ACP7: variants seen among roughly 807,000 people sequenced by gnomAD.
ACP7 encodes acid phosphatase 7, tartrate resistant (putative), also known as acid phosphatase type 7.
A neutral mutation model predicts 60.6 loss-of-function variants in ACP7; 58 were observed. The observed-to-expected ratio is 0.96, with a 90% confidence interval of 0.77 to 1.19. The LOEUF (loss-of-function observed/expected upper bound fraction) is 1.19. ACP7 is among the 50% of genes most tolerant of loss of function. The pLI is 0.00. For missense variants in ACP7, 574 were observed against 596.2 expected (o/e 0.96, Z 0.39); for synonymous variants, 237 against 232.6 (o/e 1.02, Z -0.17).
intron 2 of ACP7, among the ~76,000 whole-genome samples, chr19:39,090,040 C>T (rs2073186291): frequency 6.6e-6 from 1 of 152,196 alleles, no homozygotes; most frequent in Admixed American, 6.5e-5. Flanking sequence ...CTAATTTTAG[C>T]ATCTTGTTAA....
At chr19:39,106,737 T>C (rs1043861099) in intron 11 of ACP7, among the ~76,000 whole-genome samples, 1 of 152,192 alleles carries the variant, frequency 6.6e-6, no homozygotes, top group Non-Finnish European at 1.5e-5. Flanking sequence ...TTGGCCAGGC[T>C]GGTCTCTGAC....
Position 39,098,990 on chromosome 19 carries a change from G to A in ACP7, c.353G>A (p.Ser118Asn). The change falls in exon 4 of 13, where the codon AGC (serine) becomes AAC (asparagine). Residue 118 changes from serine (S) to asparagine (N), a missense_variant. Transcript: ENST00000331256. ...VYRCGSAQGWSRRFRFRALKN... is the reference protein window; with the variant it reads ...VYRCGSAQGWNRRFRFRALKN... ...CGCTGTGGCAGTGCGCAGGGCTGGAGCCGTCGGTTCCGCTTCAGGGCCCTC... is the reference window on the plus strand; with the variant it reads ...CGCTGTGGCAGTGCGCAGGGCTGGAACCGTCGGTTCCGCTTCAGGGCCCTC... 1 of 1,613,534 alleles carries A rather than the reference G, an allele frequency of 6.2e-7. No individual in the cohort carries two copies. The highest frequency in any genetic ancestry group is 8.5e-7 in the Non-Finnish European group (1 of 1,179,966).
intron 2 of ACP7, 133 bp from the exon 3 acceptor site, chr19:39,098,325 T>C (rs1018391898): frequency 2.1e-6 from 1 of 478,470 alleles, no homozygotes; most frequent in African/African-American, 2.0e-5. Flanking sequence ...GGATTGAACT[T>C]GGGCAGTTCC....
In ACP7 at chr19:39,110,657, T is replaced by C; in HGVS notation, c.*539T>C. The stretch of plus-strand genomic sequence containing the variant: ...CTCCAGGACTGCTATGAAGAGTCCC[T>C]TCATGCCTCAGTTTCCCAGCCTGGC... On this transcript the variant is annotated 3_prime_UTR_variant, in exon 13 of 13. Coordinates refer to ENST00000331256, the MANE Select transcript of ACP7 (RefSeq NM_001004318.3). 6.5e-6 allele frequency: 1 copy of C among 152,774 alleles called. No individual in the cohort carries two copies. Among genetic ancestry groups the C allele is most frequent in the Non-Finnish European group, 1.5e-5 (1 of 68,356 alleles). 9.5% of individuals were successfully genotyped at this position (152,774 alleles called of 1,614,324 possible). A position where few individuals can be genotyped will look rare whatever the true frequency, so the allele number is the denominator to read the frequency against.
At position 39,098,969 on chromosome 19, in the gene ACP7, G is replaced by A; in HGVS notation, c.332G>A (p.Cys111Tyr). 6.2e-7 allele frequency: 1 copy of A among 1,612,780 alleles called. No homozygotes were observed. The highest frequency in any genetic ancestry group is 1.7e-5 in the Admixed American group (1 of 60,002). The stretch of plus-strand genomic sequence containing the variant: ...TTCCTCTCCCATTCAGTTTATCGCT[G>A]TGGCAGTGCGCAGGGCTGGAGCCGT... ...LLPGVQYVYR[C>Y]GSAQGWSRRF... is the part of the protein sequence containing the mutation. Residue 111 changes from cysteine to tyrosine, a missense_variant, in exon 4 of 13, where the codon TGT becomes TAT. Cys to Tyr is a radical substitution (Grantham distance 194). Coordinates refer to ENST00000331256, the MANE Select transcript of ACP7 (RefSeq NM_001004318.3).
intron 2 of ACP7, among the ~76,000 whole-genome samples, chr19:39,092,232 T>C (rs1174707674): frequency 1.3e-5 from 2 of 151,764 alleles, no homozygotes; most frequent in Admixed American, 1.3e-4. Context: ...AAATTAGCCA[T>C]GTGTGTTGGC....
intron 12 of ACP7, among the ~76,000 whole-genome samples, chr19:39,108,431 G>C (rs1443938008): frequency 6.6e-6 from 1 of 152,128 alleles, no homozygotes; most frequent in Non-Finnish European, 1.5e-5. Context: ...GTGAGCCACT[G>C]TGCTGGGCCC....
chr19:39,099,809 A>T (rs1000867604), intron 4 of ACP7, among the ~76,000 whole-genome samples: 1 of 151,672 alleles, frequency 6.6e-6, no homozygotes, highest in African/African-American at 2.4e-5. Context: ...CCCAGCCAAC[A>T]TGGTGAAACT....
chr19:39,099,290 A>G, intron 4 of ACP7, 148 bp downstream of exon 4: 1 of 975,078 alleles, frequency 1.0e-6, no homozygotes, highest in Non-Finnish European at 1.4e-6. Flanking sequence ...CTGAAGGGAC[A>G]GGGGATGAGA....
At chr19:39,087,781 G>C (rs755982260) in intron 2 of ACP7, among the ~76,000 whole-genome samples, 3 of 151,972 alleles carry the variant, frequency 2.0e-5, no homozygotes, top group Non-Finnish European at 2.9e-5. Context: ...TTACAGGCAT[G>C]CACCACCACA....
intron 2 of ACP7, among the ~76,000 whole-genome samples, chr19:39,091,918 T>TA (rs201837995): frequency 0.028 from 3,736 of 134,734 alleles, 147 homozygotes; most frequent in African/African-American, 0.13. Flanking sequence ...ACTAAAAAAA[T>TA]AAAAAAATAA....
At chr19:39,095,454 G>A (rs922143876) in intron 2 of ACP7, among the ~76,000 whole-genome samples, 4 of 152,226 alleles carry the variant, frequency 2.6e-5, no homozygotes, top group East Asian at 3.8e-4. Flanking sequence ...TCACATGCAG[G>A]TCTCACTGAT....
chr19:39,106,879 G>A, intron 11 of ACP7, 68 bp from the exon 12 acceptor site: 1 of 1,589,594 alleles, frequency 6.3e-7, no homozygotes, highest in South Asian at 1.1e-5. Context: ...TCCTGGGCTA[G>A]CAGGTCATTT....
rs1295997731 is a variant in ACP7 at position 39,098,367 on chromosome 19, A to T, written c.122-91A>T. The T allele has an allele frequency of 4.1e-6, 4 of 966,366 alleles. No individual in the cohort carries two copies. The East Asian group carries it at 8.4e-5, about 20-fold the overall frequency. 59.9% of individuals were successfully genotyped at this position (966,366 alleles called of 1,614,324 possible). A position where few individuals can be genotyped will look rare whatever the true frequency, so the allele number is the denominator to read the frequency against. On this transcript the variant is annotated intron_variant, in intron 2 of 12. Coordinates refer to ENST00000331256, the MANE Select transcript of ACP7 (RefSeq NM_001004318.3). ...TGTGTCCTTAACCACTAACTGTTCA[A>T]CAGTGGTCAACGCCCCTCACTTTTT... is the stretch of plus-strand genomic sequence containing the variant.
rs1422010682 is a variant in ACP7 at position 39,098,984 on chromosome 19, G to T, written c.347G>T (p.Gly116Val). 1.2e-6 allele frequency: 2 copies of T among 1,612,200 alleles called. No homozygotes were observed. Among genetic ancestry groups the T allele is most frequent in the South Asian group, 2.2e-5 (2 of 91,022 alleles). ...QYVYRCGSAQ[G>V]WSRRFRFRAL... ...GTTTATCGCTGTGGCAGTGCGCAGG[G>T]CTGGAGCCGTCGGTTCCGCTTCAGG... Residue 116 changes from glycine (G) to valine (V), a missense_variant, in exon 4 of 13, where the codon GGC becomes GTC. Physicochemically the swap from Gly to Val is moderately radical, Grantham distance 109. Coordinates refer to ENST00000331256, the MANE Select transcript of ACP7 (RefSeq NM_001004318.3).
intron 11 of ACP7, among the ~76,000 whole-genome samples, chr19:39,102,715 T>TTTCTTTCTTTCTTTC (rs1555769414): frequency 0.074 from 8,762 of 118,428 alleles, 604 homozygotes; most frequent in Middle Eastern, 0.11. Flanking sequence ...CAATGAAGAC[T>TTTCTTTCTTTCTTTC]TTTCTTTCTT....
intron 2 of ACP7, among the ~76,000 whole-genome samples, chr19:39,087,052 A>C (rs1380452218): frequency 6.6e-6 from 1 of 152,162 alleles, no homozygotes; most frequent in Admixed American, 6.6e-5. Context: ...TCTGTCAACC[A>C]GGCTGGAGTG....
chr19:39,100,224 C>G lies in ACP7; in HGVS notation c.506-3C>G. On this transcript the variant is annotated splice_region_variant and splice_polypyrimidine_tract_variant and intron_variant, in intron 4 of 12. Coordinates refer to ENST00000331256, the MANE Select transcript of ACP7 (RefSeq NM_001004318.3). ...CTCACCCTCCTTCCGCCCCCTCCCC[C>G]AGGAGACTTTGCCTACAACCTGGAT... 1 of 1,613,906 alleles carries G rather than the reference C, an allele frequency of 6.2e-7. No homozygotes were observed. Among genetic ancestry groups the G allele is most frequent in the Non-Finnish European group, 8.5e-7 (1 of 1,179,902 alleles).
intron 12 of ACP7, among the ~76,000 whole-genome samples, chr19:39,107,960 A>G (rs1457811929): frequency 6.6e-6 from 1 of 152,036 alleles, no homozygotes; most frequent in East Asian, 1.9e-4. Context: ...CTGAGGCAGG[A>G]GGATCACTTG....
Sources: allele counts gnomAD v4.1 joint callset (sites outside exome capture counted in the v4.1 genomes callset), GRCh38; gene constraint gnomAD v4.1.1; transcripts MANE v1.5; gene names NCBI Gene and HGNC (gene_info 2026-07-23, HGNC 2026-07-21).